The following TANC1 variants were observed in gnomAD, a reference collection of about 807,000 sequenced individuals.
TANC1 encodes protein TANC1.
TANC1 carries 77 observed loss-of-function variants against 149.7 expected under a neutral mutation model. The observed-to-expected ratio is 0.51, with a 90% confidence interval of 0.43 to 0.62. The LOEUF (loss-of-function observed/expected upper bound fraction) is 0.62, where lower values mean the gene tolerates loss of function less well. TANC1 is among the 20% of genes least tolerant of loss of function. The probability of loss-of-function intolerance (pLI) is 0.00; values close to 1 mark genes in which losing one functional copy is unlikely to be tolerated. For synonymous variants in TANC1, 854 were observed against 925.0 expected (o/e 0.92, Z 1.39); for missense variants, 1,985 against 2,321.8 (o/e 0.85, Z 2.98).
chr2:159,230,533 G>A lies in TANC1; in HGVS notation c.5107G>A (p.Asp1703Asn). The part of the protein sequence containing the change: ...KVQGPDTRIK[D>N]KVVTHVQSGT... ...CCAAGGACCAGATACTAGAATTAAA[G>A]ACAAGGTTGTAACCCACGTTCAGAG... Residue 1703 changes from aspartate (D) to asparagine (N), a missense_variant, in exon 27 of 27, where the codon GAC becomes AAC. Coordinates refer to ENST00000263635, the MANE Select transcript of TANC1 (RefSeq NM_033394.3). The surrounding 1 kb of genome is among the most constrained non-coding windows in gnomAD (Gnocchi z 4.4). 1 of 1,614,188 alleles carries A rather than the reference G, an allele frequency of 6.2e-7. No individual in the cohort carries two copies. Among genetic ancestry groups the A allele is most frequent in the Middle Eastern group, 1.6e-4 (1 of 6,062 alleles).
intron 18 of TANC1, among the ~76,000 whole-genome samples, chr2:159,197,207 T>C (rs890764496): frequency 8.5e-5 from 13 of 152,330 alleles, no homozygotes; most frequent in Middle Eastern, 3.4e-3. Flanking sequence ...TTTTTAAAAA[T>C]AGAGCTTTAA....
intron 3 of TANC1, among the ~76,000 whole-genome samples, chr2:159,078,174 A>G (rs2043886761): frequency 6.6e-6 from 1 of 152,220 alleles, no homozygotes; most frequent in African/African-American, 2.4e-5. Flanking sequence ...ACTTGTGAGG[A>G]TTAAATGAAT....
Position 159,186,946 on chromosome 2 carries a change from C to A in TANC1, c.2664C>A (p.Ala888=). 1 of 1,614,202 alleles carries A rather than the reference C, an allele frequency of 6.2e-7. No individual in the cohort carries two copies. Among genetic ancestry groups the A allele is most frequent in the Non-Finnish European group, 8.5e-7 (1 of 1,180,024 alleles). ...KTGISSSHLQ[A]LWIGYSTEGL... ...GAATTTCTTCAAGCCATCTCCAAGC[C>A]CTGTGGATCGGCTACAGCACCGAGG... Residue 888 remains alanine, a synonymous_variant, in exon 16 of 27, where the codon GCC becomes GCA. Coordinates refer to ENST00000263635, the MANE Select transcript of TANC1 (RefSeq NM_033394.3).
chr2:159,215,202 C>T (rs7570143), intron 19 of TANC1, among the ~76,000 whole-genome samples: 4,030 of 152,322 alleles, frequency 0.026, 164 homozygotes, highest in African/African-American at 0.086. Flanking sequence ...CCCACGCTTA[C>T]TCCCTCACTT....
intron 2 of TANC1, among the ~76,000 whole-genome samples, chr2:159,012,874 G>A (rs1465051116): frequency 6.6e-6 from 1 of 152,082 alleles, no homozygotes; most frequent in East Asian, 1.9e-4. Context: ...GGGGGATGTA[G>A]GAGGCTACTC....
chr2:159,080,955 T>C (rs1163077565), intron 3 of TANC1, among the ~76,000 whole-genome samples: 1 of 152,138 alleles, frequency 6.6e-6, no homozygotes, highest in Non-Finnish European at 1.5e-5. Context: ...GGTGCCAAGG[T>C]GGCAAGCTAA....
intron 4 of TANC1, among the ~76,000 whole-genome samples, chr2:159,134,401 C>T (rs888204685): frequency 6.6e-6 from 1 of 151,992 alleles, no homozygotes; most frequent in Non-Finnish European, 1.5e-5. Context: ...ACCTCCTGGG[C>T]TCAAGTGATC....
chr2:159,169,902 A>C (rs1450814456), intron 9 of TANC1, among the ~76,000 whole-genome samples: 1 of 151,988 alleles, frequency 6.6e-6, no homozygotes, highest in African/African-American at 2.4e-5. Flanking sequence ...CTGAGGTAGG[A>C]GAATTATTTG....
At chr2:159,025,189 T>TTTTCTCTCTTTCTTTCTTTCTTTC (rs2039185631) in intron 2 of TANC1, among the ~76,000 whole-genome samples, 1 of 105,222 alleles carries the variant, frequency 9.5e-6, no homozygotes, top group East Asian at 2.7e-4. Flanking sequence ...TTTTTCTTTC[T>TTTTCTCTCTTTCTTTCTTTCTTTC]TTTCTTTCTT....
At chr2:159,124,545 T>C (rs2049191635) in intron 4 of TANC1, among the ~76,000 whole-genome samples, 4 of 152,162 alleles carry the variant, frequency 2.6e-5, no homozygotes, top group African/African-American at 9.7e-5. Flanking sequence ...GAGGGCTCAC[T>C]TCCTCCTTGT....
At position 159,179,120 on chromosome 2, in the gene TANC1, T is replaced by C. The variant is rs752560089; in HGVS notation, c.2467T>C (p.Trp823Arg). 1 of 1,613,398 alleles carries C rather than the reference T, an allele frequency of 6.2e-7. No individual in the cohort carries two copies. The highest frequency in any genetic ancestry group is 1.1e-5 in the South Asian group (1 of 91,028). Residue 823 changes from tryptophan to arginine, a missense_variant, in exon 14 of 27, where the codon TGG becomes CGG. Physicochemically the swap from Trp to Arg is moderately radical, Grantham distance 101 (BLOSUM62 -3). This residue lies in a region of TANC1 where 508 missense variants were observed against 714.2 expected (regional missense o/e 0.71). Coordinates refer to ENST00000263635, the MANE Select transcript of TANC1 (RefSeq NM_033394.3). Reference protein sequence around the residue: ...CHPSFREWLVWRADGENTAFL... With the variant: ...CHPSFREWLVRRADGENTAFL... ...CCCGTCCTTCAGGGAGTGGCTTGTA[T>C]GGAGAGCAGACGGGGAAAACACGGC... is the stretch of plus-strand genomic sequence containing the variant.
At chr2:158,985,804 C>T (rs1023178725) in intron 1 of TANC1, among the ~76,000 whole-genome samples, 1 of 152,152 alleles carries the variant, frequency 6.6e-6, no homozygotes, top group Admixed American at 6.5e-5. Flanking sequence ...CCACCACGCC[C>T]AGCTAATTTT....
At chr2:158,975,289 G>A (rs1195269692) in intron 1 of TANC1, among the ~76,000 whole-genome samples, 1 of 152,046 alleles carries the variant, frequency 6.6e-6, no homozygotes, top group Non-Finnish European at 1.5e-5. Context: ...GATATGGAGG[G>A]TTGGGTGTGG....
At chr2:159,005,106 C>G (rs1245803830) in intron 2 of TANC1, among the ~76,000 whole-genome samples, 1 of 152,210 alleles carries the variant, frequency 6.6e-6, no homozygotes, top group Non-Finnish European at 1.5e-5. Flanking sequence ...AAGTGGTTTT[C>G]TGCCCTGGGT....
chr2:159,204,976 G>C (rs116402422), intron 19 of TANC1, among the ~76,000 whole-genome samples: 1 of 152,192 alleles, frequency 6.6e-6, no homozygotes, highest in Non-Finnish European at 1.5e-5. Flanking sequence ...ACTAATTCTG[G>C]ATGGAATTTT....
intron 26 of TANC1, 122 bp from the exon 27 acceptor site, chr2:159,229,456 G>C (rs1163303757): frequency 2.4e-6 from 2 of 832,772 alleles, no homozygotes; most frequent in Non-Finnish European, 3.7e-6. Context: ...GGCCACCACC[G>C]TAAGTGTTCA....
intron 16 of TANC1, among the ~76,000 whole-genome samples, chr2:159,188,627 G>T (rs184375342): frequency 2.0e-5 from 3 of 152,360 alleles, no homozygotes; most frequent in Admixed American, 2.0e-4. Context: ...CCCTTGGCCG[G>T]GAGATCCAGT....
chr2:159,031,347 A>G (rs566162034), intron 2 of TANC1, among the ~76,000 whole-genome samples: 1 of 152,356 alleles, frequency 6.6e-6, no homozygotes, highest in Admixed American at 6.5e-5. Context: ...ACAACAGGCC[A>G]GGCCTGGATG....
intron 4 of TANC1, among the ~76,000 whole-genome samples, chr2:159,128,137 A>G (rs2150140240): frequency 6.6e-6 from 1 of 152,294 alleles, no homozygotes; most frequent in Admixed American, 6.5e-5. Context: ...TTGCAGTCTG[A>G]ATTTCCCTAG....
Sources: allele counts gnomAD v4.1 joint callset (sites outside exome capture counted in the v4.1 genomes callset), GRCh38; gene constraint gnomAD v4.1.1; regional missense constraint gnomAD v4.1.1; non-coding constraint Gnocchi (gnomAD v3.1); transcripts MANE v1.5; gene names NCBI Gene and HGNC (gene_info 2026-07-23, HGNC 2026-07-21).